SLC39A11: variants seen among roughly 807,000 people sequenced by gnomAD.
The protein encoded by SLC39A11 is solute carrier family 39 member 11.
Under a neutral mutation model 36.1 loss-of-function variants are expected in SLC39A11, and 33 were observed. The ratio of observed to expected loss-of-function variants is 0.91; its 90% CI spans 0.69 to 1.22. The LOEUF is 1.22. SLC39A11 is among the 50% of genes most tolerant of loss of function. SLC39A11 has a pLI of 0.00. For synonymous variants in SLC39A11, 166 were observed against 170.3 expected (o/e 0.97, Z 0.20); for missense variants, 432 against 430.3 (o/e 1.00, Z -0.03).
intron 4 of SLC39A11, among the ~76,000 whole-genome samples, chr17:73,004,590 C>T (rs759166361): frequency 4.5e-4 from 68 of 152,222 alleles, no homozygotes; most frequent in Non-Finnish European, 8.4e-4. Context: ...CTGGCAATAA[C>T]CTAGGTATCC....
intron 7 of SLC39A11, among the ~76,000 whole-genome samples, chr17:72,672,046 A>AAC (rs1027341794): frequency 8.1e-4 from 121 of 148,924 alleles, no homozygotes; most frequent in Non-Finnish European, 1.5e-3. Context: ...TACACACACA[A>AAC]ACACACACAC....
intron 4 of SLC39A11, among the ~76,000 whole-genome samples, chr17:73,020,079 G>A (rs1267442963): frequency 6.6e-6 from 1 of 152,166 alleles, no homozygotes; most frequent in Non-Finnish European, 1.5e-5. Context: ...TGTCCATTTC[G>A]AGTTATGTTT....
At chr17:72,904,658 C>T (rs1244080723) in intron 5 of SLC39A11, among the ~76,000 whole-genome samples, 3 of 152,198 alleles carry the variant, frequency 2.0e-5, no homozygotes, top group Non-Finnish European at 4.4e-5. Context: ...TCTAACTGGG[C>T]CCCGGTTTGT....
At chr17:72,685,745 T>C (rs1246227286) in intron 7 of SLC39A11, among the ~76,000 whole-genome samples, 1 of 152,170 alleles carries the variant, frequency 6.6e-6, no homozygotes, top group Non-Finnish European at 1.5e-5. Context: ...GCATCAGATC[T>C]ATCCACAGGT....
intron 7 of SLC39A11, among the ~76,000 whole-genome samples, chr17:72,734,425 C>T (rs2074342183): frequency 6.6e-6 from 1 of 152,036 alleles, no homozygotes; most frequent in East Asian, 1.9e-4. Flanking sequence ...GCCCCTCAGG[C>T]TGTGACAATA....
intron 5 of SLC39A11, among the ~76,000 whole-genome samples, chr17:72,882,208 T>C (rs918619422): frequency 3.9e-5 from 6 of 152,072 alleles, no homozygotes; most frequent in East Asian, 1.9e-4. Context: ...CAAAAAACTG[T>C]AGCCAGGCAT....
At chr17:72,978,368 A>G (rs906594268) in intron 4 of SLC39A11, among the ~76,000 whole-genome samples, 2 of 152,238 alleles carry the variant, frequency 1.3e-5, no homozygotes, top group African/African-American at 4.8e-5. Flanking sequence ...AGGAGCCTAC[A>G]TTGTGGTGGG....
chr17:72,843,834 G>A (rs757656371), intron 6 of SLC39A11, among the ~76,000 whole-genome samples: 16 of 152,130 alleles, frequency 1.1e-4, no homozygotes, highest in Non-Finnish European at 4.4e-5. Context: ...CCTTGCACAT[G>A]TGTATTAAAT....
chr17:72,827,956 C>T (rs150936095), intron 6 of SLC39A11, among the ~76,000 whole-genome samples: 270 of 152,314 alleles, frequency 1.8e-3, no homozygotes, highest in African/African-American at 6.0e-3. Context: ...GGCAGATCCA[C>T]GGCAATGCTG....
intron 5 of SLC39A11, among the ~76,000 whole-genome samples, chr17:72,934,397 GGCTCACACTTGTA>G (rs2084616849): frequency 6.6e-6 from 1 of 152,154 alleles, no homozygotes; most frequent in Non-Finnish European, 1.5e-5. Context: ...CGGGCACAGT[GGCTCACACTTGTA>G]GTTCCAGCAC....
At chr17:72,924,104 C>G (rs977002319) in intron 5 of SLC39A11, among the ~76,000 whole-genome samples, 2 of 148,600 alleles carry the variant, frequency 1.3e-5, no homozygotes, top group African/African-American at 5.0e-5. Context: ...CCAAATGGCA[C>G]CACTGCACTC....
intron 5 of SLC39A11, among the ~76,000 whole-genome samples, chr17:72,945,697 CA>C (rs1297240374): frequency 1.3e-5 from 2 of 152,140 alleles, no homozygotes; most frequent in Non-Finnish European, 2.9e-5. Context: ...TGTTCTTGAG[CA>C]GGGGGACTGG....
rs71154945 is a variant in SLC39A11, at chr17:73,020,680, C to CTTTTTTTTTT, written c.306+10866_306+10875dup. The stretch of plus-strand genomic sequence containing the variant: ...TTTTGGGGGGTCTTTTTGTTTCTTT[C>CTTTTTTTTTT]TTTTTTTTTTTTTTTTTTTTTGAGA... On this transcript the variant is annotated intron_variant, in intron 4 of 9. Coordinates refer to ENST00000255559, the MANE Select transcript of SLC39A11 (RefSeq NM_139177.4). 1.1e-4 allele frequency among the ~76,000 whole-genome samples: 11 copies of CTTTTTTTTTT among 98,894 alleles called. 1 individual carries two copies. The highest frequency in any genetic ancestry group is 2.8e-4 in the Admixed American group (2 of 7,272). 64.9% of individuals were successfully genotyped at this position (98,894 alleles called of 152,430 possible). A position where few individuals can be genotyped will look rare whatever the true frequency, so the allele number is the denominator to read the frequency against.
intron 3 of SLC39A11, among the ~76,000 whole-genome samples, chr17:73,076,483 C>T (rs148625802): frequency 9.0e-4 from 137 of 152,278 alleles, no homozygotes; most frequent in Non-Finnish European, 1.5e-3. Flanking sequence ...TTGCAATGTA[C>T]GCACAACAAA....
At chr17:72,716,923 G>A (rs1193139367) in intron 7 of SLC39A11, among the ~76,000 whole-genome samples, 1 of 145,764 alleles carries the variant, frequency 6.9e-6, no homozygotes, top group Non-Finnish European at 1.5e-5. Flanking sequence ...GAGCCAAGAC[G>A]ATGCCACTGC....
At chr17:72,694,698 C>G (rs547261857) in intron 7 of SLC39A11, among the ~76,000 whole-genome samples, 1 of 152,342 alleles carries the variant, frequency 6.6e-6, no homozygotes, top group African/African-American at 2.4e-5. Flanking sequence ...GTGGGGTGGT[C>G]CCCTCAGGGT....
At chr17:72,770,767 T>C (rs1385667955) in intron 6 of SLC39A11, among the ~76,000 whole-genome samples, 3 of 152,232 alleles carry the variant, frequency 2.0e-5, no homozygotes, top group Non-Finnish European at 4.4e-5. Context: ...GAACCAGCAC[T>C]ATGCATTCGG....
At chr17:72,947,635 A>G in intron 5 of SLC39A11, 117 bp downstream of exon 5, 1 of 1,448,778 alleles carries the variant, frequency 6.9e-7, no homozygotes, top group South Asian at 1.2e-5. Flanking sequence ...TCGGAGGGAT[A>G]GGACAGTGCT....
In SLC39A11 at chr17:72,744,322, A is replaced by G. The variant is rs187807747; in HGVS notation, c.602-7603T>C. Among the ~76,000 whole-genome samples, 3 of 152,096 alleles carry G rather than the reference A, an allele frequency of 2.0e-5. No homozygotes were observed. The East Asian group carries it at 5.8e-4, about 29-fold the overall frequency. ...GTGGTTTGCAGCATCCCTGGCCTCT[A>G]CTCACTAGATGCCAGTAGCACCTCC... On this transcript the variant is annotated intron_variant, in intron 6 of 9. Transcript: ENST00000255559.
Sources: gnomAD v4.1 joint callset for allele counts (sites outside exome capture counted in the v4.1 genomes callset) on GRCh38, gnomAD v4.1.1 for gene constraint, MANE v1.5 for transcripts, NCBI Gene and HGNC (gene_info 2026-07-23, HGNC 2026-07-21) for gene names.